Variants in SFI1 observed in about 807,000 individuals in gnomAD.
SFI1 encodes the protein protein SFI1 homolog.
A neutral mutation model predicts 207.5 loss-of-function variants in SFI1; 195 were observed. The ratio of observed to expected loss-of-function variants is 0.94; its 90% confidence interval spans 0.84 to 1.06. The LOEUF (loss-of-function observed/expected upper bound fraction) is 1.06, where lower values mean the gene tolerates loss of function less well. Among genes scored for constraint, SFI1 ranks in the 50% least tolerant of loss-of-function variants. The pLI, the probability that SFI1 is intolerant of heterozygous loss-of-function variation, is 0.00. For synonymous variants in SFI1, 630 were observed against 598.9 expected, an observed-to-expected ratio of 1.05 and a Z score of -0.76; for missense variants, 1,634 against 1,588.0, an observed-to-expected ratio of 1.03 and a Z score of -0.49.
chr22:31,500,696 A>G (rs1266450498), intron 1 of SFI1, among the ~76,000 whole-genome samples: 3 of 151,880 alleles, frequency 2.0e-5, no homozygotes, highest in Non-Finnish European at 4.4e-5. Context: ...ATCTCAGGTG[A>G]TTCTCCCGCC....
intron 7 of SFI1, chr22:31,559,996 GTAAT>G (rs1413793486): frequency 8.3e-6 from 3 of 362,108 alleles, no homozygotes; most frequent in Non-Finnish European, 1.6e-5. Flanking sequence ...TATAAATAAA[GTAAT>G]AAATAAGTAA....
At chr22:31,582,878 T>A (rs943898939) in intron 12 of SFI1, among the ~76,000 whole-genome samples, 6 of 152,172 alleles carry the variant, frequency 3.9e-5, no homozygotes, top group Non-Finnish European at 8.8e-5. Context: ...TGCCTTTTTT[T>A]AAAAAAGGAC....
Position 31,561,372 on chromosome 22 carries a change from G to A in SFI1, c.745G>A (p.Ala249Thr), listed in dbSNP as rs202114283. The change falls in exon 8 of 33, where the codon GCC (alanine) becomes ACC (threonine). Residue 249 changes from alanine (A) to threonine (T), a missense_variant. Transcript: ENST00000400288. ...ALHASALKHR[A>T]LSLQVQAWSQ... ...CCATGCCTCTGCTTTGAAGCACAGG[G>A]CCCTGAGCCTCCAGGTGCAGGTGAG... The A allele has an allele frequency of 6.7e-5, 108 of 1,613,856 alleles. No homozygotes were observed. The African/African-American group carries it at 1.3e-3, about 20-fold the overall frequency.
chr22:31,588,800 A>C (rs960177467), intron 14 of SFI1, among the ~76,000 whole-genome samples: 2 of 151,086 alleles, frequency 1.3e-5, no homozygotes, highest in African/African-American at 4.9e-5. Flanking sequence ...CAACAGAGTG[A>C]GACTCTGTCT....
At chr22:31,582,198 A>G (rs1473427001) in intron 12 of SFI1, among the ~76,000 whole-genome samples, 1 of 25,250 alleles carries the variant, frequency 4.0e-5, no homozygotes, top group Non-Finnish European at 7.9e-5. Context: ...ACACTTCTTT[A>G]TTACATTTTA....
chr22:31,532,347 T>G (rs2058608685), intron 4 of SFI1, among the ~76,000 whole-genome samples: 1 of 152,140 alleles, frequency 6.6e-6, no homozygotes, highest in African/African-American at 2.4e-5. Flanking sequence ...TATAATTGCT[T>G]TAGCTGCAGT....
intron 2 of SFI1, among the ~76,000 whole-genome samples, chr22:31,509,792 T>C (rs1254705231): frequency 1.3e-5 from 2 of 152,178 alleles, no homozygotes; most frequent in East Asian, 1.9e-4. Context: ...ACGAGGTCTA[T>C]TGGTCTTTTA....
intron 10 of SFI1, chr22:31,577,818 C>A (rs2063690054): frequency 6.6e-6 from 1 of 152,066 alleles, no homozygotes. Flanking sequence ...GGTGGGAGAC[C>A]AGTTATGGGA....
intron 2 of SFI1, among the ~76,000 whole-genome samples, chr22:31,516,245 G>C (rs982579608): frequency 6.6e-6 from 1 of 152,026 alleles, no homozygotes; most frequent in African/African-American, 2.4e-5. Flanking sequence ...GGGTGCCGTG[G>C]CTTACGTCTG....
intron 2 of SFI1, among the ~76,000 whole-genome samples, chr22:31,510,885 C>G (rs944111522): frequency 6.6e-6 from 1 of 152,144 alleles, no homozygotes; most frequent in Non-Finnish European, 1.5e-5. Context: ...TCCTCTCTTT[C>G]ATACCTAATT....
At chr22:31,554,657 T>C (rs2060989292) in intron 6 of SFI1, among the ~76,000 whole-genome samples, 1 of 149,026 alleles carries the variant, frequency 6.7e-6, no homozygotes, top group African/African-American at 2.5e-5. Context: ...CAGGATGGAG[T>C]GCAGAGTGGC....
intron 4 of SFI1, among the ~76,000 whole-genome samples, chr22:31,545,510 A>T (rs756855486): frequency 6.6e-6 from 1 of 151,028 alleles, no homozygotes; most frequent in Non-Finnish European, 1.5e-5. Context: ...ATTGTCACAC[A>T]TTTTTTTTTC....
At chr22:31,523,250 C>T (rs1262790663) in intron 2 of SFI1, among the ~76,000 whole-genome samples, 1 of 152,080 alleles carries the variant, frequency 6.6e-6, no homozygotes, top group Non-Finnish European at 1.5e-5. Flanking sequence ...ATGATATTTT[C>T]TTTTTATAAT....
intron 1 of SFI1, among the ~76,000 whole-genome samples, chr22:31,501,262 C>G (rs150815518): frequency 2.1e-3 from 316 of 151,530 alleles, no homozygotes; most frequent in African/African-American, 7.2e-3. Flanking sequence ...AGTTCTGCCT[C>G]CTGGGTTCAC....
At chr22:31,606,514 A>C in intron 21 of SFI1, 84 bp downstream of exon 21, 1 of 1,112,840 alleles carries the variant, frequency 9.0e-7, no homozygotes, top group South Asian at 1.3e-5. Context: ...GGGTGGTGCC[A>C]GAGATTTGAA....
chr22:31,512,431 A>G (rs2055736223), intron 2 of SFI1, among the ~76,000 whole-genome samples: 1 of 150,168 alleles, frequency 6.7e-6, no homozygotes, highest in Non-Finnish European at 1.5e-5. Flanking sequence ...GACTGTTTTC[A>G]GTTTTTAAAT....
chr22:31,559,251 T>C (rs2061446222), intron 7 of SFI1, among the ~76,000 whole-genome samples: 1 of 151,706 alleles, frequency 6.6e-6, no homozygotes, highest in South Asian at 2.1e-4. Flanking sequence ...AGTGAAACTG[T>C]CTCTACTAAA....
At chr22:31,593,239 C>T (rs1397471295) in intron 15 of SFI1, among the ~76,000 whole-genome samples, 1 of 148,186 alleles carries the variant, frequency 6.7e-6, no homozygotes, top group African/African-American at 2.5e-5. Flanking sequence ...ACTTCTCAGA[C>T]GGGGTGGTTG....
chr22:31,600,694 T>G (rs1461715825), intron 15 of SFI1, among the ~76,000 whole-genome samples: 1 of 152,220 alleles, frequency 6.6e-6, no homozygotes, highest in Non-Finnish European at 1.5e-5. Context: ...CTGCTTAGCC[T>G]CCCTTCCCCT....
Sources: gnomAD v4.1 joint callset for allele counts (sites outside exome capture counted in the v4.1 genomes callset) on GRCh38, gnomAD v4.1.1 for gene constraint, MANE v1.5 for transcripts, NCBI Gene and HGNC (gene_info 2026-07-23, HGNC 2026-07-21) for gene names.